The following ERBB4 variants were observed in gnomAD, a reference collection of about 807,000 sequenced individuals.
ERBB4 encodes the protein receptor tyrosine-protein kinase erbB-4.
Under a neutral mutation model 158.0 loss-of-function variants are expected in ERBB4, and 42 were observed. That is an observed-to-expected ratio of 0.27 (90% CI 0.21 to 0.34). The LOEUF (loss-of-function observed/expected upper bound fraction) is 0.34. ERBB4 is among the 10% of genes least tolerant of loss of function. The pLI is 1.00. For missense variants in ERBB4, 1,333 were observed against 1,624.1 expected, an observed-to-expected ratio of 0.82 and a Z score of 3.08; for synonymous variants, 583 against 558.7, an observed-to-expected ratio of 1.04 and a Z score of -0.61.
chr2:212,507,227 T>G (rs747070944), intron 1 of ERBB4, among the ~76,000 whole-genome samples: 47 of 151,976 alleles, frequency 3.1e-4, no homozygotes, highest in Non-Finnish European at 5.9e-4. Flanking sequence ...AAAAAAAGAT[T>G]CCTTTCAAAA....
At chr2:212,480,280 A>G (rs1279603795) in intron 1 of ERBB4, among the ~76,000 whole-genome samples, 1 of 152,210 alleles carries the variant, frequency 6.6e-6, no homozygotes. Context: ...ACTATCAAGT[A>G]CACTTTACTG....
At chr2:212,061,373 A>G (rs2077758517) in intron 2 of ERBB4, among the ~76,000 whole-genome samples, 1 of 145,868 alleles carries the variant, frequency 6.9e-6, no homozygotes, top group Non-Finnish European at 1.5e-5. Flanking sequence ...GAATTGCTTG[A>G]ACCCAGGAGG....
chr2:212,025,447 G>C (rs1190142368), intron 2 of ERBB4, among the ~76,000 whole-genome samples: 1 of 151,712 alleles, frequency 6.6e-6, no homozygotes, highest in East Asian at 1.9e-4. Flanking sequence ...AGAAAGTCTT[G>C]TCCAAAGAGA....
chr2:212,440,586 A>G (rs1428077885), intron 1 of ERBB4, among the ~76,000 whole-genome samples: 2 of 152,194 alleles, frequency 1.3e-5, no homozygotes, highest in Non-Finnish European at 2.9e-5. Context: ...GGAACAGAAT[A>G]TTAAGGATGG....
chr2:211,430,974 C>T lies in ERBB4; in HGVS notation c.2614G>A (p.Glu872Lys), dbSNP rs776347334. The change falls in exon 21 of 28, where the codon GAA (glutamate) becomes AAA (lysine). Residue 872 changes from glutamate (E) to lysine (K), a missense_variant. This residue lies in a region of ERBB4 where 314 missense variants were observed against 437.6 expected (regional missense o/e 0.72). Coordinates refer to ENST00000342788, the MANE Select transcript of ERBB4 (RefSeq NM_005235.3). ...CCTCCATCAGCATTGTACTCTTTTT[C>T]ATCTCCTTCCAAGAGTCTGGCTAGC... is the stretch of plus-strand genomic sequence containing the variant. ...FGLARLLEGDEKEYNADGGKM... is the reference protein window; with the variant it reads ...FGLARLLEGDKKEYNADGGKM... 3 of 1,613,778 alleles carry T rather than the reference C, an allele frequency of 1.9e-6. No homozygotes were observed. In the Admixed American group the frequency reaches 5.0e-5, roughly 27 times the overall value.
At chr2:211,466,348 T>TA (rs2064688363) in intron 20 of ERBB4, among the ~76,000 whole-genome samples, 2 of 134,000 alleles carry the variant, frequency 1.5e-5, no homozygotes, top group African/African-American at 6.4e-5. Context: ...TTTTTTTTTT[T>TA]TAAAAAAAAA....
At chr2:211,572,241 G>A (rs775303487) in intron 19 of ERBB4, among the ~76,000 whole-genome samples, 10 of 152,094 alleles carry the variant, frequency 6.6e-5, no homozygotes, top group Admixed American at 2.0e-4. Flanking sequence ...ACATAGAGTC[G>A]TAACATTGCA....
chr2:212,318,546 A>AG (rs2087402732), intron 1 of ERBB4, among the ~76,000 whole-genome samples: 1 of 151,414 alleles, frequency 6.6e-6, no homozygotes, highest in Non-Finnish European at 1.5e-5. Flanking sequence ...AAAAAAAATC[A>AG]GAAAAAAAAG....
chr2:211,963,864 G>T (rs1357400825), intron 2 of ERBB4, among the ~76,000 whole-genome samples: 2 of 152,062 alleles, frequency 1.3e-5, no homozygotes, highest in Admixed American at 1.3e-4. Flanking sequence ...TTGTTTGAAA[G>T]AAAGGTTATG....
chr2:211,487,001 GTTTT>G (rs762244991), intron 20 of ERBB4, among the ~76,000 whole-genome samples: 12 of 150,950 alleles, frequency 7.9e-5, no homozygotes, highest in African/African-American at 2.9e-4. Context: ...TTTTTTTGTA[GTTTT>G]TTTTATTATA....
intron 4 of ERBB4, among the ~76,000 whole-genome samples, chr2:211,767,960 T>C (rs1431911455): frequency 6.6e-6 from 1 of 152,198 alleles, no homozygotes; most frequent in Non-Finnish European, 1.5e-5. Context: ...TAAAAGTCCA[T>C]GTCCAAAGTC....
At chr2:211,507,061 C>G (rs1233405033) in intron 20 of ERBB4, among the ~76,000 whole-genome samples, 1 of 151,802 alleles carries the variant, frequency 6.6e-6, no homozygotes, top group Non-Finnish European at 1.5e-5. Flanking sequence ...AAAATACGAT[C>G]AGAGATTAAC....
intron 3 of ERBB4, among the ~76,000 whole-genome samples, chr2:211,819,659 G>T (rs545562146): frequency 6.6e-6 from 1 of 151,900 alleles, no homozygotes; most frequent in Non-Finnish European, 1.5e-5. Flanking sequence ...AAATTTTTTA[G>T]GTGTAATGGG....
intron 4 of ERBB4, among the ~76,000 whole-genome samples, chr2:211,766,723 C>A (rs1204176433): frequency 6.6e-6 from 1 of 152,134 alleles, no homozygotes; most frequent in African/African-American, 2.4e-5. Flanking sequence ...GAACCTAACG[C>A]CGATCTGTGC....
intron 2 of ERBB4, among the ~76,000 whole-genome samples, chr2:212,109,359 T>G (rs2079332363): frequency 6.6e-6 from 1 of 152,216 alleles, no homozygotes; most frequent in Non-Finnish European, 1.5e-5. Flanking sequence ...TGCCTAATGC[T>G]GCCTTCTGGA....
At chr2:212,030,435 G>C (rs961548549) in intron 2 of ERBB4, among the ~76,000 whole-genome samples, 2 of 152,076 alleles carry the variant, frequency 1.3e-5, no homozygotes, top group African/African-American at 4.8e-5. Flanking sequence ...ACTTTAGTAA[G>C]CAATTAGATA....
intron 1 of ERBB4, among the ~76,000 whole-genome samples, chr2:212,172,476 G>A (rs2081546938): frequency 6.6e-6 from 1 of 152,114 alleles, no homozygotes. Context: ...TATGTTCATT[G>A]CAGCACTGTT....
At chr2:212,008,681 T>A (rs1350622656) in intron 2 of ERBB4, among the ~76,000 whole-genome samples, 1 of 152,118 alleles carries the variant, frequency 6.6e-6, no homozygotes, top group Non-Finnish European at 1.5e-5. Context: ...GCTGGCTACA[T>A]TAGATTAATT....
intron 20 of ERBB4, among the ~76,000 whole-genome samples, chr2:211,483,604 T>C (rs1003981147): frequency 1.3e-5 from 2 of 152,102 alleles, no homozygotes; most frequent in Admixed American, 6.5e-5. Flanking sequence ...CAAGCTGGAG[T>C]GCAGTGGTGC....
Sources: allele counts gnomAD v4.1 joint callset (sites outside exome capture counted in the v4.1 genomes callset), GRCh38; gene constraint gnomAD v4.1.1; regional missense constraint gnomAD v4.1.1; transcripts MANE v1.5; gene names NCBI Gene and HGNC (gene_info 2026-07-23, HGNC 2026-07-21).